The following FHIT variants were observed in gnomAD, a reference collection of about 807,000 sequenced individuals.
FHIT encodes bis(5'-adenosyl)-triphosphatase.
FHIT carries 19 observed loss-of-function variants against 17.9 expected under a neutral mutation model. That is an observed-to-expected ratio of 1.06 (90% CI 0.74 to 1.56). The LOEUF (loss-of-function observed/expected upper bound fraction) is 1.56, where lower values mean the gene tolerates loss of function less well. Ranked by LOEUF, FHIT falls within the 40% of genes most tolerant of loss-of-function variation. The pLI, the probability that FHIT is intolerant of heterozygous loss-of-function variation, is 0.00. For missense variants in FHIT, 248 were observed against 189.2 expected (o/e 1.31, Z -1.82); for synonymous variants, 81 against 69.7 (o/e 1.16, Z -0.81).
intron 4 of FHIT, among the ~76,000 whole-genome samples, chr3:60,701,197 C>A (rs191512662): frequency 5.3e-4 from 80 of 149,792 alleles, no homozygotes; most frequent in Admixed American, 1.2e-3. Flanking sequence ...GACCTCGGCT[C>A]ACTGCAGCCT....
intron 7 of FHIT, among the ~76,000 whole-genome samples, chr3:59,966,941 T>C (rs1374808981): frequency 6.6e-6 from 1 of 152,218 alleles, no homozygotes; most frequent in Non-Finnish European, 1.5e-5. Context: ...ACTTTTGTAA[T>C]AACATGTAGC....
chr3:60,205,114 A>G (rs1703113096), intron 5 of FHIT, among the ~76,000 whole-genome samples: 1 of 151,820 alleles, frequency 6.6e-6, no homozygotes, highest in Non-Finnish European at 1.5e-5. Context: ...AAAAAATTAT[A>G]TGAGCTTTTT....
At chr3:60,493,114 A>G (rs989076151) in intron 5 of FHIT, among the ~76,000 whole-genome samples, 1 of 152,192 alleles carries the variant, frequency 6.6e-6, no homozygotes, top group Admixed American at 6.5e-5. Context: ...AGGGCAAGGG[A>G]AGACTTTATA....
At chr3:60,455,083 T>C (rs796528221) in intron 5 of FHIT, among the ~76,000 whole-genome samples, 3 of 152,096 alleles carry the variant, frequency 2.0e-5, no homozygotes, top group African/African-American at 7.2e-5. Flanking sequence ...TAAAAAACAA[T>C]ACTCAAATTC....
chr3:60,033,384 C>T (rs1701082683), intron 5 of FHIT, among the ~76,000 whole-genome samples: 1 of 151,962 alleles, frequency 6.6e-6, no homozygotes, highest in Non-Finnish European at 1.5e-5. Flanking sequence ...ATCTCAGCTA[C>T]TCAGGAGGTT....
chr3:60,236,591 C>T (rs962488094), intron 5 of FHIT, among the ~76,000 whole-genome samples: 1 of 152,092 alleles, frequency 6.6e-6, no homozygotes, highest in Non-Finnish European at 1.5e-5. Flanking sequence ...AGCAGTAGTT[C>T]ATATTCACAT....
intron 3 of FHIT, among the ~76,000 whole-genome samples, chr3:60,841,341 A>T (rs1553745004): frequency 6.6e-6 from 1 of 152,230 alleles, no homozygotes. Flanking sequence ...TTTTAATTAG[A>T]TTATTCCCTG....
chr3:60,053,757 C>G (rs1302450888), intron 5 of FHIT, among the ~76,000 whole-genome samples: 1 of 152,072 alleles, frequency 6.6e-6, no homozygotes, highest in Non-Finnish European at 1.5e-5. Context: ...GTGGTCCTCT[C>G]CATTTCTTAC....
chr3:59,899,891 C>A (rs1704248156), intron 8 of FHIT, among the ~76,000 whole-genome samples: 1 of 152,188 alleles, frequency 6.6e-6, no homozygotes, highest in African/African-American at 2.4e-5. Flanking sequence ...AGGCCTAGCA[C>A]TCTGCCAGGC....
Position 60,549,463 on chromosome 3 carries a change from G to C in FHIT, c.-17-12484C>G, listed in dbSNP as rs115209699. On this transcript the variant is annotated intron_variant, in intron 4 of 9. Coordinates refer to ENST00000492590, the MANE Select transcript of FHIT (RefSeq NM_002012.4). Reference sequence around the variant, plus strand: ...ATGCATCTCTTTGATTACTTCTCATGCATTAATTCCTAGATTTGAGAATCA... The same window carrying C: ...ATGCATCTCTTTGATTACTTCTCATCCATTAATTCCTAGATTTGAGAATCA... 5.4e-3 allele frequency among the ~76,000 whole-genome samples: 816 copies of C among 152,176 alleles called. 5 individuals are homozygous for C. The highest frequency in any genetic ancestry group is 0.019 in the African/African-American group (784 of 41,532).
In FHIT at chr3:60,807,173, T is replaced by C. The variant is rs145463595; in HGVS notation, c.-18+14746A>G. Among the ~76,000 whole-genome samples, 670 of 152,334 alleles carry C rather than the reference T, an allele frequency of 4.4e-3. 4 individuals carry two copies. The highest frequency in any genetic ancestry group is 0.014 in the African/African-American group (595 of 41,580). ...AACTATTTTATTCATCTAGAAGTTG[T>C]AGAATTTATAGACAAGCTGATTTCT... On this transcript the variant is annotated intron_variant, in intron 4 of 9. Coordinates refer to ENST00000492590, the MANE Select transcript of FHIT (RefSeq NM_002012.4).
intron 4 of FHIT, among the ~76,000 whole-genome samples, chr3:60,592,614 G>T (rs1179704488): frequency 6.6e-6 from 1 of 152,106 alleles, no homozygotes; most frequent in Non-Finnish European, 1.5e-5. Context: ...ATGGAGGCAG[G>T]GCAGGCTTCC....
At chr3:60,946,297 T>C (rs1005329567) in intron 3 of FHIT, among the ~76,000 whole-genome samples, 3 of 152,132 alleles carry the variant, frequency 2.0e-5, no homozygotes, top group Non-Finnish European at 4.4e-5. Flanking sequence ...AAGGTTAGCA[T>C]GGCATTTCAT....
intron 8 of FHIT, among the ~76,000 whole-genome samples, chr3:59,799,090 T>G (rs1699892248): frequency 8.0e-6 from 1 of 125,228 alleles, no homozygotes; most frequent in African/African-American, 3.0e-5. Context: ...CTAGAAACAC[T>G]AGGAAATCTA....
chr3:59,806,268 G>T (rs1359590895), intron 8 of FHIT, among the ~76,000 whole-genome samples: 1 of 152,138 alleles, frequency 6.6e-6, no homozygotes, highest in Non-Finnish European at 1.5e-5. Context: ...GGCAAGAGGG[G>T]TAAATGGTAG....
chr3:60,441,330 A>C (rs1160849138), intron 5 of FHIT, among the ~76,000 whole-genome samples: 1 of 152,050 alleles, frequency 6.6e-6, no homozygotes, highest in East Asian at 1.9e-4. Flanking sequence ...AGTTTCTAAA[A>C]ATGTCTAGCA....
chr3:60,745,716 A>C (rs571428935), intron 4 of FHIT, among the ~76,000 whole-genome samples: 22 of 152,260 alleles, frequency 1.4e-4, no homozygotes, highest in African/African-American at 4.6e-4. Context: ...ATATTCTAAC[A>C]ATAGTTACTC....
chr3:60,459,019 C>T (rs137968799), intron 5 of FHIT, among the ~76,000 whole-genome samples: 3 of 152,118 alleles, frequency 2.0e-5, no homozygotes, highest in Non-Finnish European at 2.9e-5. Flanking sequence ...TGGGCTCAAG[C>T]GATCCTCCTA....
chr3:59,774,296 G>T (rs1283431868), intron 8 of FHIT, among the ~76,000 whole-genome samples: 1 of 152,198 alleles, frequency 6.6e-6, no homozygotes, highest in Non-Finnish European at 1.5e-5. Context: ...GACAGAAACT[G>T]AATAGCCTGA....
Sources: gnomAD v4.1 joint callset for allele counts (sites outside exome capture counted in the v4.1 genomes callset) on GRCh38, gnomAD v4.1.1 for gene constraint, MANE v1.5 for transcripts, NCBI Gene and HGNC (gene_info 2026-07-23, HGNC 2026-07-21) for gene names.